KALRN: variants seen among roughly 807,000 people sequenced by gnomAD.
KALRN encodes the protein kalirin.
Under a neutral mutation model 353.7 loss-of-function variants are expected in KALRN, and 70 were observed. The observed-to-expected ratio is 0.20, with a 90% CI of 0.16 to 0.24. The LOEUF is 0.24. Among genes scored for constraint, KALRN ranks in the 10% least tolerant of loss-of-function variants. The probability of loss-of-function intolerance (pLI) is 1.00; values close to 1 mark genes in which losing one functional copy is unlikely to be tolerated. For synonymous variants in KALRN, 1,391 were observed against 1,434.8 expected (o/e 0.97, Z 0.69); for missense variants, 2,791 against 3,756.7 (o/e 0.74, Z 6.72).
chr3:124,262,665 G>C (rs2148870942), intron 3 of KALRN, among the ~76,000 whole-genome samples: 1 of 152,304 alleles, frequency 6.6e-6, no homozygotes, highest in African/African-American at 2.4e-5. Flanking sequence ...CCTTGTGCTT[G>C]AGACACTCAC....
chr3:124,550,187 G>A (rs754963298), intron 33 of KALRN, among the ~76,000 whole-genome samples: 4 of 152,054 alleles, frequency 2.6e-5, no homozygotes, highest in Non-Finnish European at 4.4e-5. Flanking sequence ...AGACATAAGG[G>A]GTAGAGAAAA....
At chr3:124,336,089 C>T (rs1332900895) in intron 9 of KALRN, among the ~76,000 whole-genome samples, 2 of 152,120 alleles carry the variant, frequency 1.3e-5, no homozygotes, top group Non-Finnish European at 2.9e-5. Context: ...TGCAATCAGT[C>T]CCAGGAACAG....
chr3:124,699,921 CATCG>C lies in KALRN; in HGVS notation c.7886_7889del (p.Ile2629LysfsTer58). On this transcript the variant is annotated frameshift_variant, in exon 56 of 60. Transcript: ENST00000682506. LOFTEE classifies it high-confidence loss of function. Reference sequence around the variant, plus strand: ...CTTCGACCTTGGACACTTACCTCGTCATCGAAGACCTTAGTCCCGGGTGTCCTTA... The same window carrying C: ...CTTCGACCTTGGACACTTACCTCGTCAAGACCTTAGTCCCGGGTGTCCTTA... 1 of 1,614,216 alleles carries C rather than the reference CATCG, an allele frequency of 6.2e-7. No individual in the cohort carries two copies. The highest frequency in any genetic ancestry group is 1.1e-5 in the South Asian group (1 of 91,084).
chr3:124,527,446 A>G (rs1333512539), intron 33 of KALRN, among the ~76,000 whole-genome samples: 2 of 151,972 alleles, frequency 1.3e-5, no homozygotes, highest in Non-Finnish European at 2.9e-5. Flanking sequence ...CGTCTCTACT[A>G]AAAATACAAA....
intron 1 of KALRN, among the ~76,000 whole-genome samples, chr3:124,049,057 A>G (rs2040791935): frequency 6.6e-6 from 1 of 152,220 alleles, no homozygotes; most frequent in Non-Finnish European, 1.5e-5. Flanking sequence ...TCTGAAGGAT[A>G]ACTTTTTGTG....
chr3:124,441,953 C>G lies in KALRN; in HGVS notation c.3207C>G (p.Thr1069=), dbSNP rs769680803. The change falls in exon 19 of 60, where the codon ACC becomes ACG. Residue 1069 remains threonine (T), a synonymous_variant. Transcript: ENST00000682506. Reference sequence around the variant, plus strand: ...AGCTTTGTCTTTCGCAGGCCTGCACCCTGGCTCGGCGGAATGCTGAGGTGT... The same window carrying G: ...AGCTTTGTCTTTCGCAGGCCTGCACGCTGGCTCGGCGGAATGCTGAGGTGT... The part of the protein sequence containing the change: ...EQKEAFLKAC[T]LARRNAEVFL... The G allele has an allele frequency of 1.3e-6, 2 of 1,586,914 alleles. No individual in the cohort carries two copies. Among genetic ancestry groups the G allele is most frequent in the Non-Finnish European group, 1.7e-6 (2 of 1,161,454 alleles).
chr3:124,330,242 T>TCACA (rs1199009561), intron 8 of KALRN, among the ~76,000 whole-genome samples: 1 of 104,296 alleles, frequency 9.6e-6, no homozygotes, highest in Non-Finnish European at 1.9e-5. Context: ...TCTCTCTCTC[T>TCACA]CTCTCACACA....
At chr3:124,509,856 T>A (rs1190336356) in intron 33 of KALRN, among the ~76,000 whole-genome samples, 3 of 152,194 alleles carry the variant, frequency 2.0e-5, no homozygotes, top group Non-Finnish European at 4.4e-5. Flanking sequence ...TTATATATAA[T>A]CCTTATGATC....
intron 1 of KALRN, among the ~76,000 whole-genome samples, chr3:124,132,043 G>GTGGC (rs1242912873): frequency 1.3e-5 from 2 of 152,252 alleles, no homozygotes; most frequent in South Asian, 4.1e-4. Context: ...TTCTTTTCAT[G>GTGGC]TGGCTGTTTT....
At chr3:124,361,020 AC>A (rs1211300398) in intron 10 of KALRN, among the ~76,000 whole-genome samples, 2 of 152,232 alleles carry the variant, frequency 1.3e-5, no homozygotes, top group Non-Finnish European at 2.9e-5. Flanking sequence ...TATTGAAGGC[AC>A]GCTTTTACAA....
intron 1 of KALRN, among the ~76,000 whole-genome samples, chr3:124,193,704 C>T (rs976118208): frequency 6.6e-6 from 1 of 152,076 alleles, no homozygotes; most frequent in Non-Finnish European, 1.5e-5. Flanking sequence ...GTCCAACCTG[C>T]CAGTGATGAC....
At chr3:124,064,520 G>T (rs1275226858) in intron 1 of KALRN, among the ~76,000 whole-genome samples, 1 of 152,044 alleles carries the variant, frequency 6.6e-6, no homozygotes, top group Non-Finnish European at 1.5e-5. Context: ...TACTCAAAGA[G>T]GTCTGAAGCA....
chr3:124,519,476 G>A (rs2066985480), intron 33 of KALRN: 4 of 985,162 alleles, frequency 4.1e-6, no homozygotes, highest in Non-Finnish European at 4.8e-6. Flanking sequence ...TTTTTTTAAA[G>A]GCCCACTGCT....
At chr3:124,555,845 C>T (rs2109703749) in intron 33 of KALRN, among the ~76,000 whole-genome samples, 1 of 152,286 alleles carries the variant, frequency 6.6e-6, no homozygotes, top group African/African-American at 2.4e-5. Flanking sequence ...CTCTGCTCTT[C>T]TGTATCTTAC....
At chr3:124,675,968 A>C (rs2150424504) in intron 49 of KALRN, among the ~76,000 whole-genome samples, 1 of 152,254 alleles carries the variant, frequency 6.6e-6, no homozygotes, top group Admixed American at 6.5e-5. Context: ...AAAAATCCAC[A>C]GTGGCCCCTA....
intron 27 of KALRN, among the ~76,000 whole-genome samples, chr3:124,482,468 T>C (rs2062083980): frequency 6.6e-6 from 1 of 152,172 alleles, no homozygotes; most frequent in Non-Finnish European, 1.5e-5. Context: ...CTTTTACTCC[T>C]ACTTCATCTC....
At chr3:124,274,043 A>G (rs1025518994) in intron 5 of KALRN, among the ~76,000 whole-genome samples, 3 of 152,216 alleles carry the variant, frequency 2.0e-5, no homozygotes, top group Non-Finnish European at 2.9e-5. Flanking sequence ...ACTGGGGGCC[A>G]TATGTGGTCT....
intron 34 of KALRN, among the ~76,000 whole-genome samples, chr3:124,581,598 C>A (rs2074637983): frequency 6.6e-6 from 1 of 152,090 alleles, no homozygotes; most frequent in Non-Finnish European, 1.5e-5. Context: ...GTTATCTGAA[C>A]ACAAAAACCA....
chr3:124,716,455 C>T (rs571165147), intron 58 of KALRN, among the ~76,000 whole-genome samples: 6 of 152,220 alleles, frequency 3.9e-5, no homozygotes, highest in East Asian at 1.9e-4. Flanking sequence ...ACCTGGGAGG[C>T]GGAGGTTGCA....
Sources: gnomAD v4.1 joint callset for allele counts (sites outside exome capture counted in the v4.1 genomes callset) on GRCh38, gnomAD v4.1.1 for gene constraint, MANE v1.5 for transcripts, NCBI Gene and HGNC (gene_info 2026-07-23, HGNC 2026-07-21) for gene names.